Variants in LRBA observed in about 807,000 individuals in gnomAD.
The protein encoded by LRBA is lipopolysaccharide-responsive and beige-like anchor protein.
LRBA carries 176 observed loss-of-function variants against 330.0 expected under a neutral mutation model. That is an observed-to-expected ratio of 0.53 (90% CI 0.47 to 0.60). The LOEUF is 0.60. Among genes scored for constraint, LRBA ranks in the 20% least tolerant of loss-of-function variants. The pLI is 0.00. For missense variants in LRBA, 3,259 were observed against 3,444.8 expected (o/e 0.95, Z 1.35); for synonymous variants, 1,230 against 1,193.0 (o/e 1.03, Z -0.64).
intron 48 of LRBA, among the ~76,000 whole-genome samples, chr4:150,337,872 C>CT (rs1734957852): frequency 6.6e-6 from 1 of 152,256 alleles, no homozygotes; most frequent in African/African-American, 2.4e-5. Context: ...GTTAACAATG[C>CT]TATAAATACT....
At chr4:150,566,024 T>C (rs1304383781) in intron 40 of LRBA, among the ~76,000 whole-genome samples, 2 of 147,304 alleles carry the variant, frequency 1.4e-5, no homozygotes, top group African/African-American at 2.5e-5. Context: ...ACCCAGGAGT[T>C]CAAGACCAGC....
At chr4:150,638,071 C>T (rs961570906) in intron 37 of LRBA, among the ~76,000 whole-genome samples, 1 of 151,706 alleles carries the variant, frequency 6.6e-6, no homozygotes, top group Non-Finnish European at 1.5e-5. Flanking sequence ...GCATAATATT[C>T]TATTTGTTTA....
intron 26 of LRBA, among the ~76,000 whole-genome samples, chr4:150,848,213 C>T (rs755205936): frequency 2.6e-5 from 4 of 152,176 alleles, no homozygotes; most frequent in Non-Finnish European, 4.4e-5. Context: ...CGGGGTTTCA[C>T]CATGTTGGCC....
At chr4:150,450,322 C>T (rs533394349) in intron 44 of LRBA, among the ~76,000 whole-genome samples, 2 of 152,244 alleles carry the variant, frequency 1.3e-5, no homozygotes, top group East Asian at 3.9e-4. Flanking sequence ...ACAATATAAA[C>T]TTATTGCCTC....
rs187890443 is a variant in LRBA at position 150,938,511 on chromosome 4, C to T, written c.217-9446G>A. The stretch of plus-strand genomic sequence containing the variant: ...CACAGAGCCCAGGAAAAAGATCTCA[C>T]TCTCCAGCTTTTCTTGAATGAAAAG... On this transcript the variant is annotated intron_variant, in intron 2 of 56. Coordinates refer to ENST00000651943, the MANE Select transcript of LRBA (RefSeq NM_001364905.1). Among the ~76,000 whole-genome samples, 16 of 152,298 alleles carry T rather than the reference C, an allele frequency of 1.1e-4. No homozygotes were observed. In the East Asian group the frequency reaches 3.1e-3, roughly 29 times the overall value.
At chr4:150,723,250 G>A (rs766503660) in intron 36 of LRBA, among the ~76,000 whole-genome samples, 4 of 152,122 alleles carry the variant, frequency 2.6e-5, no homozygotes, top group Non-Finnish European at 4.4e-5. Context: ...TGCATTAGCC[G>A]TGCCCTAACC....
intron 22 of LRBA, among the ~76,000 whole-genome samples, chr4:150,862,872 G>T (rs748096048): frequency 5.3e-5 from 8 of 151,520 alleles, no homozygotes; most frequent in African/African-American, 1.9e-4. Context: ...CCAGCTACTC[G>T]CCAGGCTGAG....
chr4:150,510,806 T>C (rs1006716688), intron 40 of LRBA, among the ~76,000 whole-genome samples: 1 of 152,142 alleles, frequency 6.6e-6, no homozygotes, highest in African/African-American at 2.4e-5. Flanking sequence ...AGCTCCACCA[T>C]ATGCCCTCTA....
chr4:150,311,376 C>T (rs776997368), intron 51 of LRBA: 1 of 152,102 alleles, frequency 6.6e-6, no homozygotes, highest in African/African-American at 2.4e-5. Context: ...AGCTTTTCAC[C>T]ATAATTTTCA....
intron 16 of LRBA, 39 bp downstream of exon 16, chr4:150,896,355 C>T (rs115139393): frequency 0.02 from 23,191 of 1,131,528 alleles, 307 homozygotes; most frequent in Middle Eastern, 0.04. Context: ...AATGTAGCTT[C>T]AAAAATTAAA....
At chr4:150,949,545 G>A (rs150261463) in intron 2 of LRBA, among the ~76,000 whole-genome samples, 2 of 152,140 alleles carry the variant, frequency 1.3e-5, no homozygotes, top group African/African-American at 4.8e-5. Flanking sequence ...CGGATAAAGA[G>A]TACAAAGGAT....
At chr4:150,984,231 G>A (rs933271019) in intron 2 of LRBA, among the ~76,000 whole-genome samples, 3 of 152,128 alleles carry the variant, frequency 2.0e-5, no homozygotes, top group Non-Finnish European at 4.4e-5. Flanking sequence ...AGAACTTTAG[G>A]GCTGGGCGCA....
chr4:150,573,978 A>G (rs1014224958), intron 40 of LRBA, among the ~76,000 whole-genome samples: 1 of 152,128 alleles, frequency 6.6e-6, no homozygotes, highest in Non-Finnish European at 1.5e-5. Context: ...TTAATTGTGA[A>G]TGGGAACTTA....
chr4:150,285,486 G>C (rs879229514), intron 54 of LRBA, among the ~76,000 whole-genome samples: 1 of 152,164 alleles, frequency 6.6e-6, no homozygotes, highest in Non-Finnish European at 1.5e-5. Flanking sequence ...AAACAGACAG[G>C]GTCAGGGGCT....
chr4:150,361,479 T>C (rs1174853314), intron 47 of LRBA, among the ~76,000 whole-genome samples: 2 of 152,212 alleles, frequency 1.3e-5, no homozygotes, highest in South Asian at 2.1e-4. Flanking sequence ...ATCCAGTGTA[T>C]GCTCATCTTT....
intron 33 of LRBA, among the ~76,000 whole-genome samples, chr4:150,802,329 G>A (rs1008933445): frequency 1.3e-4 from 20 of 148,518 alleles, no homozygotes; most frequent in African/African-American, 4.9e-4. Flanking sequence ...ATCACTCCAA[G>A]TGCAATTCTA....
chr4:150,536,113 G>A (rs1207145077), intron 40 of LRBA, among the ~76,000 whole-genome samples: 1 of 152,054 alleles, frequency 6.6e-6, no homozygotes, highest in Non-Finnish European at 1.5e-5. Flanking sequence ...AAATGCACTG[G>A]TCTCCTCAAC....
chr4:150,547,711 T>C (rs957956015), intron 40 of LRBA, among the ~76,000 whole-genome samples: 1 of 152,142 alleles, frequency 6.6e-6, no homozygotes, highest in Non-Finnish European at 1.5e-5. Context: ...ACTGTAGTTT[T>C]AGAGACTTAA....
intron 43 of LRBA, among the ~76,000 whole-genome samples, chr4:150,470,283 G>A (rs929322356): frequency 1.3e-5 from 2 of 152,150 alleles, no homozygotes; most frequent in African/African-American, 4.8e-5. Flanking sequence ...ATTTGACACA[G>A]GTGAAAATGC....
Sources: gnomAD v4.1 joint callset for allele counts (sites outside exome capture counted in the v4.1 genomes callset) on GRCh38, gnomAD v4.1.1 for gene constraint, MANE v1.5 for transcripts, NCBI Gene and HGNC (gene_info 2026-07-23, HGNC 2026-07-21) for gene names.